NKAIN3: variants seen among roughly 807,000 people sequenced by gnomAD.
The protein encoded by NKAIN3 is sodium/potassium transporting ATPase interacting 3, also known as sodium/potassium-transporting ATPase subunit beta-1-interacting protein 3.
NKAIN3 carries 25 observed loss-of-function variants against 30.2 expected under a neutral mutation model. The observed-to-expected ratio is 0.83, with a 90% CI of 0.60 to 1.16. NKAIN3 has a LOEUF of 1.16. Ranked by LOEUF, NKAIN3 falls within the 50% of genes most tolerant of loss-of-function variation. The pLI is 0.00. For synonymous variants in NKAIN3, 91 were observed against 89.6 expected (o/e 1.02, Z -0.09); for missense variants, 225 against 254.1 (o/e 0.89, Z 0.78).
intron 4 of NKAIN3, among the ~76,000 whole-genome samples, chr8:62,874,210 G>A (rs752395751): frequency 1.2e-4 from 18 of 152,118 alleles, no homozygotes; most frequent in Non-Finnish European, 2.1e-4. Context: ...ACACCTCTAC[G>A]CAAATAAACT....
intron 1 of NKAIN3, among the ~76,000 whole-genome samples, chr8:62,510,370 A>G (rs16929095): frequency 0.031 from 4,753 of 152,238 alleles, 283 homozygotes; most frequent in African/African-American, 0.11. Context: ...TTCTTTGTTC[A>G]GGGCCAGCTT....
intron 4 of NKAIN3, among the ~76,000 whole-genome samples, chr8:62,882,560 T>G (rs1383812456): frequency 1.3e-5 from 2 of 152,114 alleles, no homozygotes; most frequent in African/African-American, 4.8e-5. Context: ...TTAAGTGATC[T>G]GCCCACCTCG....
chr8:62,274,627 G>C (rs1241862776), intron 1 of NKAIN3, among the ~76,000 whole-genome samples: 1 of 151,488 alleles, frequency 6.6e-6, no homozygotes, highest in Non-Finnish European at 1.5e-5. Flanking sequence ...TAAGTTTTAG[G>C]GTACATGTGC....
intron 1 of NKAIN3, among the ~76,000 whole-genome samples, chr8:62,355,792 A>T (rs1255342496): frequency 6.6e-6 from 1 of 152,156 alleles, no homozygotes; most frequent in Non-Finnish European, 1.5e-5. Context: ...GGGCCATCTG[A>T]CGTGGTTTTC....
chr8:62,386,774 G>C (rs907056779), intron 1 of NKAIN3, among the ~76,000 whole-genome samples: 13 of 152,172 alleles, frequency 8.5e-5, no homozygotes, highest in African/African-American at 3.1e-4. Flanking sequence ...GTAATCTATG[G>C]CCATGAGCAA....
chr8:62,475,601 C>T (rs1806492741), intron 1 of NKAIN3, among the ~76,000 whole-genome samples: 1 of 152,156 alleles, frequency 6.6e-6, no homozygotes, highest in Admixed American at 6.5e-5. Flanking sequence ...AAAGCTTGTA[C>T]CAATTAGGAT....
At chr8:62,871,413 A>C (rs903969098) in intron 4 of NKAIN3, among the ~76,000 whole-genome samples, 42 of 126,148 alleles carry the variant, frequency 3.3e-4, no homozygotes, top group African/African-American at 1.0e-3. Flanking sequence ...AAAAAAAAAA[A>C]AAAAACAAAA....
chr8:62,683,235 C>T (rs753105225), intron 3 of NKAIN3, among the ~76,000 whole-genome samples: 48 of 152,192 alleles, frequency 3.2e-4, no homozygotes, highest in Admixed American at 7.9e-4. Flanking sequence ...GGGGTTTCAC[C>T]GTGTTAACCA....
intron 4 of NKAIN3, among the ~76,000 whole-genome samples, chr8:62,917,612 T>C (rs578224762): frequency 6.6e-6 from 1 of 152,328 alleles, no homozygotes; most frequent in Admixed American, 6.5e-5. Flanking sequence ...CTTTTCCCGG[T>C]ATTATTTTAT....
intron 6 of NKAIN3, among the ~76,000 whole-genome samples, chr8:62,960,659 T>A (rs1428312987): frequency 6.6e-6 from 1 of 151,502 alleles, no homozygotes; most frequent in Non-Finnish European, 1.5e-5. Flanking sequence ...ATCAAAAAAA[T>A]TTATAATCCC....
intron 4 of NKAIN3, among the ~76,000 whole-genome samples, chr8:62,870,257 T>TATAG (rs1820574747): frequency 5.9e-5 from 5 of 85,002 alleles, no homozygotes; most frequent in African/African-American, 2.8e-4. Flanking sequence ...TATCTATATA[T>TATAG]ATATCTATAT....
At position 62,969,616 on chromosome 8, in the gene NKAIN3, G is replaced by A. The variant is rs1238333599; in HGVS notation, c.*4209G>A. On this transcript the variant is annotated 3_prime_UTR_variant, in exon 7 of 7. Coordinates refer to ENST00000623646, the MANE Select transcript of NKAIN3 (RefSeq NM_001304533.3). ...GATCAGAATGCAAATGTTCTAACTTGACATTTTTGCCCAAGATACGTTCTT... is the reference window on the plus strand; with the variant it reads ...GATCAGAATGCAAATGTTCTAACTTAACATTTTTGCCCAAGATACGTTCTT... 6.6e-6 allele frequency among the ~76,000 whole-genome samples: 1 copy of A among 152,090 alleles called. No individual in the cohort carries two copies. The highest frequency in any genetic ancestry group is 2.4e-5 in the African/African-American group (1 of 41,414).
At chr8:62,532,536 A>G (rs1474534494) in intron 1 of NKAIN3, among the ~76,000 whole-genome samples, 1 of 152,234 alleles carries the variant, frequency 6.6e-6, no homozygotes, top group Non-Finnish European at 1.5e-5. Context: ...TGTCCCTGGC[A>G]GACAGGCTCA....
chr8:62,806,239 A>G (rs1475422718), intron 4 of NKAIN3, among the ~76,000 whole-genome samples: 2 of 152,234 alleles, frequency 1.3e-5, no homozygotes. Flanking sequence ...TGTGGAAGTC[A>G]GTGTGGCGAT....
At chr8:62,485,073 C>A (rs145712541) in intron 1 of NKAIN3, among the ~76,000 whole-genome samples, 52 of 152,294 alleles carry the variant, frequency 3.4e-4, no homozygotes, top group African/African-American at 1.1e-3. Flanking sequence ...AACAACAGAG[C>A]CCTGCCCCTC....
chr8:62,469,853 A>T (rs1436005243), intron 1 of NKAIN3, among the ~76,000 whole-genome samples: 3 of 152,164 alleles, frequency 2.0e-5, no homozygotes, highest in African/African-American at 7.2e-5. Context: ...GAATTGCTGC[A>T]TCTCTCATCA....
rs936221741 is a variant in NKAIN3, at chr8:62,948,877, G to A, written c.533-5025G>A. 3.3e-5 allele frequency among the ~76,000 whole-genome samples: 5 copies of A among 152,144 alleles called. No homozygotes were observed. In the South Asian group the frequency reaches 8.3e-4, roughly 25 times the overall value. On this transcript the variant is annotated intron_variant, in intron 5 of 6. Transcript: ENST00000623646. ...GCCAATGTTCTGAGCTTTTAGCTCAGCAGAATCTTGAAAAATCCAAAGAGA... is the reference window on the plus strand; with the variant it reads ...GCCAATGTTCTGAGCTTTTAGCTCAACAGAATCTTGAAAAATCCAAAGAGA...
intron 1 of NKAIN3, among the ~76,000 whole-genome samples, chr8:62,433,082 A>C (rs1009189881): frequency 6.6e-6 from 1 of 152,194 alleles, no homozygotes; most frequent in African/African-American, 2.4e-5. Context: ...AATGTTTAAT[A>C]AATGTCCTGG....
chr8:62,758,622 G>T (rs1816537113), intron 4 of NKAIN3, among the ~76,000 whole-genome samples: 1 of 152,134 alleles, frequency 6.6e-6, no homozygotes, highest in African/African-American at 2.4e-5. Context: ...CTGGGAGAAA[G>T]AGCTGGGTTG....
Sources: gnomAD v4.1 joint callset for allele counts (sites outside exome capture counted in the v4.1 genomes callset) on GRCh38, gnomAD v4.1.1 for gene constraint, MANE v1.5 for transcripts, NCBI Gene and HGNC (gene_info 2026-07-23, HGNC 2026-07-21) for gene names.